FKTN: variants seen among roughly 807,000 people sequenced by gnomAD.
FKTN encodes ribitol-5-phosphate transferase FKTN.
FKTN carries 47 observed loss-of-function variants against 58.6 expected under a neutral mutation model. That is an observed-to-expected ratio of 0.80 (90% CI 0.63 to 1.02). FKTN has a LOEUF of 1.02. FKTN is among the 50% of genes least tolerant of loss of function. FKTN has a pLI of 0.00. For missense variants in FKTN, 516 were observed against 537.3 expected (o/e 0.96, Z 0.39); for synonymous variants, 178 against 191.9 (o/e 0.93, Z 0.60).
chr9:105,567,175 A>T (rs886990866), intron 1 of FKTN, among the ~76,000 whole-genome samples: 2 of 152,170 alleles, frequency 1.3e-5, no homozygotes, highest in Non-Finnish European at 2.9e-5. Flanking sequence ...TTTATGACAA[A>T]CCCACAGCCA....
intron 4 of FKTN, among the ~76,000 whole-genome samples, chr9:105,597,373 G>A (rs1054382687): frequency 1.3e-5 from 2 of 152,144 alleles, no homozygotes. Flanking sequence ...CTAACACCAA[G>A]TAGATTTTGA....
chr9:105,589,639 A>G (rs772406655), intron 3 of FKTN, among the ~76,000 whole-genome samples: 54 of 152,296 alleles, frequency 3.5e-4, no homozygotes, highest in South Asian at 1.0e-3. Flanking sequence ...GAGACTACTG[A>G]ATAACATACT....
Position 105,637,084 on chromosome 9 carries a change from A to G in FKTN, c.*1820A>G. 1 of 987,232 alleles carries G rather than the reference A, an allele frequency of 1.0e-6. No individual in the cohort carries two copies. The allele number at this position is 987,232 out of a possible 1,614,324, so 61.2% of individuals were successfully genotyped here. On this transcript the variant is annotated 3_prime_UTR_variant, in exon 11 of 11. Coordinates refer to ENST00000357998, the MANE Select transcript of FKTN (RefSeq NM_001079802.2). ...TAGAGTGCATTCCCAAATTCTAAAT[A>G]GCTGACCCTAAATTCATTTTTCATG...
chr9:105,636,687 T>A lies in FKTN; in HGVS notation c.*1423T>A. 1.6e-6 allele frequency: 2 copies of A among 1,277,680 alleles called. No homozygotes were observed. The highest frequency in any genetic ancestry group is 2.1e-6 in the Non-Finnish European group (2 of 971,818). 79.1% of individuals were successfully genotyped at this position (1,277,680 alleles called of 1,614,324 possible). ...TCTTTGTCTAGGAAAGGAAGCTGAA[T>A]CTTATATCTTATCTATGCTATTTAG... On this transcript the variant is annotated 3_prime_UTR_variant, in exon 11 of 11. Transcript: ENST00000357998.
At chr9:105,603,895 T>A (rs935740011) in intron 5 of FKTN, 2 of 351,508 alleles carry the variant, frequency 5.7e-6, no homozygotes, top group Non-Finnish European at 1.1e-5. Context: ...CTCAAACTCC[T>A]GAGCTCAAGT....
At chr9:105,629,770 A>G (rs1833171648) in intron 10 of FKTN, among the ~76,000 whole-genome samples, 1 of 152,218 alleles carries the variant, frequency 6.6e-6, no homozygotes, top group Non-Finnish European at 1.5e-5. Context: ...ACTATTCACA[A>G]TAGCAAAGAC....
At chr9:105,593,230 G>A (rs1195817282) in intron 3 of FKTN, among the ~76,000 whole-genome samples, 1 of 152,168 alleles carries the variant, frequency 6.6e-6, no homozygotes, top group Non-Finnish European at 1.5e-5. Context: ...GCAGGAAGAA[G>A]AGAGAGAGGG....
chr9:105,568,058 A>T (rs1004740851), intron 1 of FKTN, among the ~76,000 whole-genome samples: 3 of 152,238 alleles, frequency 2.0e-5, no homozygotes, highest in Non-Finnish European at 4.4e-5. Context: ...TCCCTATTTA[A>T]CAAATGGTGC....
intron 4 of FKTN, among the ~76,000 whole-genome samples, chr9:105,599,117 T>C (rs982270652): frequency 6.6e-6 from 1 of 152,218 alleles, no homozygotes; most frequent in Non-Finnish European, 1.5e-5. Context: ...GACTCAGTAA[T>C]AGATTTTTTG....
At chr9:105,586,686 G>A (rs1443377328) in intron 3 of FKTN, among the ~76,000 whole-genome samples, 1 of 152,126 alleles carries the variant, frequency 6.6e-6, no homozygotes, top group South Asian at 2.1e-4. Context: ...TTGAGCACCA[G>A]TTTCTTTAAA....
chr9:105,564,890 G>T (rs571973837), intron 1 of FKTN, among the ~76,000 whole-genome samples: 1 of 152,310 alleles, frequency 6.6e-6, no homozygotes, highest in South Asian at 2.1e-4. Flanking sequence ...GTTAAGGGCA[G>T]CCAGAGAGAA....
At chr9:105,630,304 A>G (rs1319835086) in intron 10 of FKTN, among the ~76,000 whole-genome samples, 1 of 152,238 alleles carries the variant, frequency 6.6e-6, no homozygotes, top group Non-Finnish European at 1.5e-5. Context: ...AACTAGGTCA[A>G]TAAATGTGAT....
At position 105,604,449 on chromosome 9, in the gene FKTN, T is replaced by G; in HGVS notation, c.604T>G (p.Phe202Val). 1 of 1,614,168 alleles carries G rather than the reference T, an allele frequency of 6.2e-7. No homozygotes were observed. ...ACACATTGACAGGAAATTTGTTCCC[T>G]TCCGAAAGTTACAGTTTGGTCGTTA... ...KEHIDRKFVP[F>V]RKLQFGRYPG... Residue 202 changes from phenylalanine to valine, a missense_variant, in exon 6 of 11, where the codon TTC becomes GTC. By Grantham distance (50) the Phe-to-Val change is conservative. Coordinates refer to ENST00000357998, the MANE Select transcript of FKTN (RefSeq NM_001079802.2).
At chr9:105,574,913 TG>T in intron 2 of FKTN, 31 bp from the exon 3 acceptor site, 1 of 699,982 alleles carries the variant, frequency 1.4e-6, no homozygotes, top group Non-Finnish European at 2.6e-6. Flanking sequence ...AAGAGGTTTT[TG>T]TTTCTTTAAA....
intron 3 of FKTN, among the ~76,000 whole-genome samples, chr9:105,578,556 G>T (rs912704095): frequency 1.4e-4 from 21 of 149,438 alleles, no homozygotes; most frequent in Non-Finnish European, 2.4e-4. Context: ...TTGATGTGCT[G>T]CTGGATTCGG....
At position 105,640,554 on chromosome 9, in the gene FKTN, G is replaced by GAA. The variant is rs879263714; in HGVS notation, c.*5302_*5303dup. On this transcript the variant is annotated 3_prime_UTR_variant, in exon 11 of 11. Transcript: ENST00000357998. ...GGCGATAGAGCAAGACTCTGTCTCA[G>GAA]AAAAAAAAAAAAAGGAAAGAAAGAA... 3 of 131,546 alleles carry GAA rather than the reference G, an allele frequency of 2.3e-5. No individual in the cohort carries two copies. Among genetic ancestry groups the GAA allele is most frequent in the Non-Finnish European group, 3.3e-5 (2 of 60,768 alleles). 8.1% of individuals were successfully genotyped at this position (131,546 alleles called of 1,614,324 possible).
In FKTN at chr9:105,639,882, C is replaced by T. The variant is rs1834306293; in HGVS notation, c.*4618C>T. The T allele has an allele frequency of 7.1e-7, 1 of 1,399,082 alleles. No homozygotes were observed. Among genetic ancestry groups the T allele is most frequent in the Non-Finnish European group, 9.3e-7 (1 of 1,081,076 alleles). The allele number at this position is 1,399,082 out of a possible 1,614,324, so 86.7% of individuals were successfully genotyped here. A position where few individuals can be genotyped will look rare whatever the true frequency, so the allele number is the denominator to read the frequency against. ...GATTTGGTACCTGCTCTCCCCTGGA[C>T]TTCTTTTTCAATATTCTAGCCTTTC... On this transcript the variant is annotated 3_prime_UTR_variant, in exon 11 of 11. Transcript: ENST00000357998.
Position 105,636,497 on chromosome 9 carries a change from T to C in FKTN, c.*1233T>C. 1 of 1,004,866 alleles carries C rather than the reference T, an allele frequency of 1.0e-6. No homozygotes were observed. 62.2% of individuals were successfully genotyped at this position (1,004,866 alleles called of 1,614,324 possible). A position where few individuals can be genotyped will look rare whatever the true frequency, so the allele number is the denominator to read the frequency against. Reference sequence around the variant, plus strand: ...GGGGCAAGAACTCAGACTTCTACTTTACCAAGTACCACACACTCTGGAATG... The same window carrying C: ...GGGGCAAGAACTCAGACTTCTACTTCACCAAGTACCACACACTCTGGAATG... On this transcript the variant is annotated 3_prime_UTR_variant, in exon 11 of 11. Coordinates refer to ENST00000357998, the MANE Select transcript of FKTN (RefSeq NM_001079802.2).
At position 105,611,970 on chromosome 9, in the gene FKTN, G is replaced by A. The variant is rs984869231; in HGVS notation, c.781-3308G>A. ...GAACTAATTTACACTCCCACCAACC[G>A]TGTATAAGTGTTCCTTTTTCTCCAC... On this transcript the variant is annotated intron_variant, in intron 7 of 10. Transcript: ENST00000357998. 3.3e-5 allele frequency among the ~76,000 whole-genome samples: 5 copies of A among 152,080 alleles called. No homozygotes were observed. The East Asian group carries it at 7.7e-4, about 23-fold the overall frequency.
Sources: gnomAD v4.1 joint callset for allele counts (sites outside exome capture counted in the v4.1 genomes callset) on GRCh38, gnomAD v4.1.1 for gene constraint, MANE v1.5 for transcripts, NCBI Gene and HGNC (gene_info 2026-07-23, HGNC 2026-07-21) for gene names.